Variants in ANO1 observed in about 807,000 individuals in gnomAD.
The protein encoded by ANO1 is anoctamin-1.
Under a neutral mutation model 124.0 loss-of-function variants are expected in ANO1, and 59 were observed. The ratio of observed to expected loss-of-function variants is 0.48; its 90% confidence interval spans 0.39 to 0.59. The LOEUF (loss-of-function observed/expected upper bound fraction) is 0.59, where lower values mean the gene tolerates loss of function less well. ANO1 is among the 20% of genes least tolerant of loss of function. The probability of loss-of-function intolerance (pLI) is 0.00; values close to 1 mark genes in which losing one functional copy is unlikely to be tolerated. For synonymous variants in ANO1, 529 were observed against 532.0 expected (o/e 0.99, Z 0.08); for missense variants, 1,059 against 1,328.0 (o/e 0.80, Z 3.15).
At chr11:70,167,649 G>GGTCCCCAAGCATGGTCCCCAGCCACA (rs2048307162) in intron 21 of ANO1, among the ~76,000 whole-genome samples, 2 of 151,962 alleles carry the variant, frequency 1.3e-5, no homozygotes, top group African/African-American at 4.8e-5. Context: ...CCCTAGGCAC[G>GGTCCCCAAGCATGGTCCCCAGCCACA]GTCCCCAAGC....
At chr11:70,006,663 CTTTTTTTTTT>C (rs56851839) in intron 1 of ANO1, among the ~76,000 whole-genome samples, 1 of 89,014 alleles carries the variant, frequency 1.1e-5, no homozygotes, top group Non-Finnish European at 2.1e-5. Context: ...TTTCTTCTTT[CTTTTTTTTTT>C]TTTTTTTTTT....
At chr11:69,969,468 T>C in the ANO1 span, among the ~76,000 whole-genome samples, 2 of 152,202 alleles carry the variant, frequency 1.3e-5, no homozygotes, top group South Asian at 4.1e-4. Context: ...TCTCTGGTGA[T>C]GTTCACGGTC....
rs184358711 is a variant in ANO1 at position 70,125,767 on chromosome 11, G to A, written c.963-294G>A. Among the ~76,000 whole-genome samples, 1,171 of 147,428 alleles carry A rather than the reference G, an allele frequency of 7.9e-3. 18 individuals carry two copies. The highest frequency in any genetic ancestry group is 0.028 in the African/African-American group (1,115 of 39,996). On this transcript the variant is annotated intron_variant, in intron 9 of 25. Coordinates refer to ENST00000355303, the MANE Select transcript of ANO1 (RefSeq NM_018043.7). ...GCTGAGGCAGGAGAATGGCGTGAAC[G>A]CGGGAGGTGGAGCTTGCAGTGAGCC...
intron 1 of ANO1, among the ~76,000 whole-genome samples, chr11:70,005,369 C>A (rs188579181): frequency 2.2e-4 from 33 of 152,270 alleles, no homozygotes; most frequent in Non-Finnish European, 2.8e-4. Flanking sequence ...TAAGGCTTTT[C>A]TCTGCCAGCT....
At chr11:70,018,991 G>A (rs535558572) in intron 1 of ANO1, among the ~76,000 whole-genome samples, 34 of 152,326 alleles carry the variant, frequency 2.2e-4, no homozygotes, top group Admixed American at 1.5e-3. Context: ...AAAATCCTGC[G>A]GCAATAAGTA....
rs556432228 is a variant in ANO1 at position 70,165,659 on chromosome 11, G to A, written c.2051+89G>A. ...CTCCTGCGGGGGTCTGGGTGGACGC[G>A]GGGCCTCAACCAAGATGGGGGCACT... On this transcript the variant is annotated intron_variant, in intron 20 of 25. Coordinates refer to ENST00000355303, the MANE Select transcript of ANO1 (RefSeq NM_018043.7). 42 of 1,090,264 alleles carry A rather than the reference G, an allele frequency of 3.9e-5. No homozygotes were observed. In the African/African-American group the frequency reaches 5.2e-4, roughly 13 times the overall value. The allele number at this position is 1,090,264 out of a possible 1,614,324, so 67.5% of individuals were successfully genotyped here.
At chr11:70,076,430 ACT>A (rs555963485), upstream of ANO1, among the ~76,000 whole-genome samples, 3 of 146,924 alleles carry the variant, frequency 2.0e-5, no homozygotes, top group East Asian at 5.9e-4. Context: ...GTATATTTTT[ACT>A]CTTTTTTTTT....
At chr11:70,104,189 G>T (rs1173662068) in intron 4 of ANO1, 39 bp downstream of exon 4, 1 of 1,579,692 alleles carries the variant, frequency 6.3e-7, no homozygotes, top group Non-Finnish European at 8.6e-7. Context: ...AAAGGGTCCT[G>T]TGTGTGGGGA....
intron 1 of ANO1, among the ~76,000 whole-genome samples, chr11:70,019,465 T>A (rs1306150433): frequency 6.6e-6 from 1 of 151,956 alleles, no homozygotes; most frequent in Non-Finnish European, 1.5e-5. Context: ...ATGGTCCAGG[T>A]TTTCCCCCAG....
At chr11:70,131,574 C>T (rs982149236) in intron 10 of ANO1, among the ~76,000 whole-genome samples, 1 of 152,194 alleles carries the variant, frequency 6.6e-6, no homozygotes, top group Non-Finnish European at 1.5e-5. Context: ...GTGATCCGCC[C>T]GCCTTGGCCT....
At chr11:70,137,699 C>T (rs2047002530) in intron 11 of ANO1, among the ~76,000 whole-genome samples, 1 of 146,402 alleles carries the variant, frequency 6.8e-6, no homozygotes, top group Non-Finnish European at 1.5e-5. Flanking sequence ...AGTGCCAGCT[C>T]CGGGGCCCGG....
intron 1 of ANO1, among the ~76,000 whole-genome samples, chr11:70,005,569 G>A (rs925701767): frequency 2.6e-5 from 4 of 152,188 alleles, no homozygotes; most frequent in Admixed American, 6.5e-5. Flanking sequence ...TTTTTAGTGT[G>A]AGGTGGGTTG....
intron 1 of ANO1, among the ~76,000 whole-genome samples, chr11:70,022,246 C>T (rs1021441491): frequency 6.6e-5 from 10 of 152,288 alleles, no homozygotes; most frequent in Non-Finnish European, 1.2e-4. Context: ...GGCCTCTTCA[C>T]GACTCTGGAC....
At chr11:69,993,697 T>G (rs572108708) in intron 1 of ANO1, among the ~76,000 whole-genome samples, 2 of 152,306 alleles carry the variant, frequency 1.3e-5, no homozygotes, top group East Asian at 3.9e-4. Context: ...CCCCTTCCTG[T>G]GCATTTTTCG....
intron 1 of ANO1, among the ~76,000 whole-genome samples, chr11:70,001,773 ATGTG>A (rs140043461): frequency 1.3e-4 from 19 of 150,244 alleles, no homozygotes; most frequent in Admixed American, 2.6e-4. Context: ...CTTCAATAAG[ATGTG>A]TGTGTGTGTG....
chr11:70,002,290 C>T (rs1554999409), intron 1 of ANO1, among the ~76,000 whole-genome samples: 1 of 151,628 alleles, frequency 6.6e-6, no homozygotes. Flanking sequence ...ATGGTGAAAC[C>T]CCATCTCTAC....
intron 1 of ANO1, among the ~76,000 whole-genome samples, chr11:70,024,476 G>A (rs527546240): frequency 5.6e-4 from 86 of 152,222 alleles, no homozygotes; most frequent in Non-Finnish European, 9.9e-4. Flanking sequence ...TCTTCTCAAC[G>A]GAGCTTCAGA....
the ANO1 span, among the ~76,000 whole-genome samples, chr11:69,973,545 A>G: frequency 7.2e-5 from 11 of 152,232 alleles, no homozygotes; most frequent in East Asian, 1.9e-3. Context: ...GGCATCATAG[A>G]GCATCTTCTA....
At chr11:70,178,840 A>G (rs1169544793) in intron 22 of ANO1, among the ~76,000 whole-genome samples, 1 of 152,220 alleles carries the variant, frequency 6.6e-6, no homozygotes, top group Non-Finnish European at 1.5e-5. Flanking sequence ...CTGGGATTAT[A>G]GGCGTGAGCC....
Sources: gnomAD v4.1 joint callset for allele counts (sites outside exome capture counted in the v4.1 genomes callset) on GRCh38, gnomAD v4.1.1 for gene constraint, MANE v1.5 for transcripts, NCBI Gene and HGNC (gene_info 2026-07-23, HGNC 2026-07-21) for gene names.